Variants in ATG2A observed in about 807,000 individuals in gnomAD.
ATG2A encodes the protein autophagy-related protein 2 homolog A.
ATG2A carries 103 observed loss-of-function variants against 214.2 expected under a neutral mutation model. The ratio of observed to expected loss-of-function variants is 0.48; its 90% CI spans 0.41 to 0.57. The LOEUF (loss-of-function observed/expected upper bound fraction) is 0.57, where lower values mean the gene tolerates loss of function less well. ATG2A is among the 20% of genes least tolerant of loss of function. ATG2A has a pLI of 0.00. For synonymous variants in ATG2A, 1,160 were observed against 1,142.1 expected (o/e 1.02, Z -0.32); for missense variants, 2,312 against 2,613.2 (o/e 0.88, Z 2.51).
At chr11:64,899,921 C>T (rs1057167002) in intron 31 of ATG2A, among the ~76,000 whole-genome samples, 41 of 149,630 alleles carry the variant, frequency 2.7e-4, no homozygotes, top group African/African-American at 3.7e-4. Context: ...TGCAATAGGG[C>T]GATCTCAACT....
rs1250428550 is a variant in ATG2A at position 64,914,401 on chromosome 11, T to TGAGCA, written c.266_270dup (p.Thr91CysfsTer37). On this transcript the variant is annotated frameshift_variant, in exon 2 of 41. Transcript: ENST00000377264. LOFTEE classifies it high-confidence loss of function. ...GACACGCGCACTGTGCAGTGGTCGG[T>TGAGCA]GAGCAGAGCAGCCCAGGGCACGGCC... The TGAGCA allele has an allele frequency of 6.2e-7, 1 of 1,612,102 alleles. No individual in the cohort carries two copies. Among genetic ancestry groups the TGAGCA allele is most frequent in the Admixed American group, 1.7e-5 (1 of 59,832 alleles).
In ATG2A at chr11:64,898,270, A is replaced by G. The variant is rs569233396; in HGVS notation, c.4764T>C (p.Asn1588=). 6.2e-7 allele frequency: 1 copy of G among 1,613,772 alleles called. No individual in the cohort carries two copies. The highest frequency in any genetic ancestry group is 1.7e-5 in the Admixed American group (1 of 59,978). ...LRVSLMPLRL[N]VDQDALFFLK... ...CACGTAGACCACTCACCTGGTCCACATTGAGCCGCAGGGGCATCAGCGAGA... is the reference window on the plus strand; with the variant it reads ...CACGTAGACCACTCACCTGGTCCACGTTGAGCCGCAGGGGCATCAGCGAGA... The change falls in exon 33 of 41, where the codon AAT becomes AAC. Residue 1588 remains asparagine (N), a synonymous_variant. Coordinates refer to ENST00000377264, the MANE Select transcript of ATG2A (RefSeq NM_015104.3). This position sits in a 1 kb window ranked among gnomAD's most constrained non-coding sequence, Gnocchi z 4.5.
At position 64,902,352 on chromosome 11, in the gene ATG2A, G is replaced by A; in HGVS notation, c.3812C>T (p.Pro1271Leu). ...SESPASLPSCPPVETALINQR... is the reference protein window; with the variant it reads ...SESPASLPSCLPVETALINQR... ...GTTGATGAGGGCCGTCTCCACTGGG[G>A]GGCACGAGGGCAGAGAGGCAGGACT... The change falls in exon 28 of 41, where the codon CCC (proline) becomes CTC (leucine). Residue 1271 changes from proline to leucine, a missense_variant. Physicochemically the swap from Pro to Leu is moderately conservative, Grantham distance 98 (BLOSUM62 -3). Transcript: ENST00000377264. The A allele has an allele frequency of 6.2e-7, 1 of 1,600,176 alleles. No homozygotes were observed. The highest frequency in any genetic ancestry group is 2.3e-5 in the East Asian group (1 of 44,236).
Position 64,902,293 on chromosome 11 carries a change from C to T in ATG2A, c.3871G>A (p.Glu1291Lys), listed in dbSNP as rs781517472. ...RDLADALLDT[E>K]RSLRELAQPS... ...TGGGCCAGCTCCCGTAGGCTGCGCTCGGTGTCCAGGAGGGCGTCGGCCAGG... is the reference window on the plus strand; with the variant it reads ...TGGGCCAGCTCCCGTAGGCTGCGCTTGGTGTCCAGGAGGGCGTCGGCCAGG... Residue 1291 changes from glutamate (E) to lysine (K), a missense_variant, in exon 28 of 41, where the codon GAG becomes AAG. Glu to Lys is a moderately conservative substitution (Grantham distance 56). Transcript: ENST00000377264. 5.0e-6 allele frequency: 8 copies of T among 1,612,584 alleles called. No individual in the cohort carries two copies. Among genetic ancestry groups the T allele is most frequent in the South Asian group, 1.1e-5 (1 of 91,002 alleles).
chr11:64,898,360 G>A lies in ATG2A; in HGVS notation c.4674C>T (p.Leu1558=), dbSNP rs776420309. The part of the protein sequence containing the change: ...RMPRRAHSNM[L]TIKALHVAPT... ...GGGCCACATGCAGCGCTTTGATGGT[G>A]AGCTGGGAGCAGAGGGTGAGTTCTG... Residue 1558 remains leucine, a splice_region_variant and synonymous_variant, in exon 33 of 41, where the codon CTC becomes CTT. Transcript: ENST00000377264. The surrounding 1 kb of genome is among the most constrained non-coding windows in gnomAD (Gnocchi z 4.5). 3 of 1,597,474 alleles carry A rather than the reference G, an allele frequency of 1.9e-6. No homozygotes were observed. Among genetic ancestry groups the A allele is most frequent in the East Asian group, 2.3e-5 (1 of 44,344 alleles).
chr11:64,906,392 C>T lies in ATG2A; in HGVS notation c.3125G>A (p.Gly1042Glu), dbSNP rs747120470. The T allele has an allele frequency of 1.9e-6, 3 of 1,613,326 alleles. No individual in the cohort carries two copies. In the South Asian group the frequency reaches 3.3e-5, roughly 18 times the overall value. The change falls in exon 21 of 41, where the codon GGA (glycine) becomes GAA (glutamate). Residue 1042 changes from glycine to glutamate, a missense_variant. Transcript: ENST00000377264. Reference sequence around the variant, plus strand: ...CACAGCAGTGGACAACATGTGGGGTCCCCGGCCCTGGCCCTTGCGGCCCGA... The same window carrying T: ...CACAGCAGTGGACAACATGTGGGGTTCCCGGCCCTGGCCCTTGCGGCCCGA... ...GASGRKGQGR[G>E]PHMLSTAVRI...
chr11:64,914,139 G>A lies in ATG2A; in HGVS notation c.429C>T (p.Pro143=), dbSNP rs1413068366. Residue 143 remains proline (P), a synonymous_variant, in exon 3 of 41, where the codon CCC becomes CCT. Coordinates refer to ENST00000377264, the MANE Select transcript of ATG2A (RefSeq NM_015104.3). ...QECLRDGLPE[P]SEPPQPLEGL... ...CCTCCAGGGGCTGTGGTGGCTCAGAGGGCTCCGGTAGCCCATCCCGCAGAC... is the reference window on the plus strand; with the variant it reads ...CCTCCAGGGGCTGTGGTGGCTCAGAAGGCTCCGGTAGCCCATCCCGCAGAC... The A allele has an allele frequency of 1.9e-6, 3 of 1,552,962 alleles. No homozygotes were observed. The highest frequency in any genetic ancestry group is 2.4e-5 in the East Asian group (1 of 41,110).
chr11:64,897,986 G>T lies in ATG2A; in HGVS notation c.4859-12C>A. 6.4e-7 allele frequency: 1 copy of T among 1,565,960 alleles called. No individual in the cohort carries two copies. Reference sequence around the variant, plus strand: ...AGTCTCGGGGCGAGCTAGGGGAGGGGAGGTCACAGACTGGGGATGGGGCCA... The same window carrying T: ...AGTCTCGGGGCGAGCTAGGGGAGGGTAGGTCACAGACTGGGGATGGGGCCA... On this transcript the variant is annotated splice_polypyrimidine_tract_variant and intron_variant, in intron 34 of 40. Coordinates refer to ENST00000377264, the MANE Select transcript of ATG2A (RefSeq NM_015104.3).
rs1399923547 is a variant in ATG2A at position 64,910,042 on chromosome 11, G to A, written c.1861C>T (p.Leu621=). ...TGGCCCTGGCAGGGGCCTCTCACCA[G>A]CAGGCCGGCTGGAGGCTCAGCAGGT... ...TVPAEPPAGL[L]TEPLPAMEQQ... The change falls in exon 13 of 41, where the codon CTG becomes TTG. Residue 621 remains leucine, a splice_region_variant and synonymous_variant. Coordinates refer to ENST00000377264, the MANE Select transcript of ATG2A (RefSeq NM_015104.3). 6 of 1,575,986 alleles carry A rather than the reference G, an allele frequency of 3.8e-6. No homozygotes were observed. In the African/African-American group the frequency reaches 5.4e-5, roughly 14 times the overall value.
Position 64,903,469 on chromosome 11 carries a change from C to A in ATG2A, c.3536-105G>T. The A allele has an allele frequency of 6.7e-7, 1 of 1,496,496 alleles. No homozygotes were observed. Among genetic ancestry groups the A allele is most frequent in the Middle Eastern group, 1.9e-4 (1 of 5,284 alleles). 92.7% of individuals were successfully genotyped at this position (1,496,496 alleles called of 1,614,324 possible). A position where few individuals can be genotyped will look rare whatever the true frequency, so the allele number is the denominator to read the frequency against. ...TGATCCAGGTGTAGTCCCTGCTGTG[C>A]GGGCTACGTGTGGGAGCTAAGGACC... On this transcript the variant is annotated intron_variant, in intron 25 of 40. Coordinates refer to ENST00000377264, the MANE Select transcript of ATG2A (RefSeq NM_015104.3). This position sits in a 1 kb window ranked among gnomAD's most constrained non-coding sequence, Gnocchi z 4.2.
At position 64,897,886 on chromosome 11, in the gene ATG2A, T is replaced by C; in HGVS notation, c.4947A>G (p.Gly1649=). 6.4e-7 allele frequency: 1 copy of C among 1,572,204 alleles called. No individual in the cohort carries two copies. Among genetic ancestry groups the C allele is most frequent in the Non-Finnish European group, 8.6e-7 (1 of 1,158,454 alleles). Residue 1649 remains glycine, a synonymous_variant, in exon 35 of 41, where the codon GGA becomes GGG. Coordinates refer to ENST00000377264, the MANE Select transcript of ATG2A (RefSeq NM_015104.3). ...CAGGAGGGGAGGGGCTGTGTCCACC[T>C]CCTGGGGCCTCCTGCGAACCAGTGG... The part of the protein sequence containing the change: ...VETTGSQEAP[G]GGHSPSPPDQ...
rs1944416062 is a variant in ATG2A, at chr11:64,903,060, T to A, written c.3612+228A>T. On this transcript the variant is annotated intron_variant, in intron 26 of 40. Coordinates refer to ENST00000377264, the MANE Select transcript of ATG2A (RefSeq NM_015104.3). This position sits in a 1 kb window ranked among gnomAD's most constrained non-coding sequence, Gnocchi z 4.2. ...CGCTGGTGCCCTGGCTGCCGCGTCCTCTGGTGGCAGGGCTGAAACCCATTC... is the reference window on the plus strand; with the variant it reads ...CGCTGGTGCCCTGGCTGCCGCGTCCACTGGTGGCAGGGCTGAAACCCATTC... 6.6e-6 allele frequency among the ~76,000 whole-genome samples: 1 copy of A among 152,260 alleles called. No homozygotes were observed. Among genetic ancestry groups the A allele is most frequent in the Admixed American group, 6.5e-5 (1 of 15,300 alleles).
At position 64,913,528 on chromosome 11, in the gene ATG2A, A is replaced by C. The variant is rs897692907; in HGVS notation, c.591-127T>G. 7.9e-7 allele frequency: 1 copy of C among 1,262,268 alleles called. No individual in the cohort carries two copies. Among genetic ancestry groups the C allele is most frequent in the Non-Finnish European group, 1.1e-6 (1 of 938,290 alleles). 78.2% of individuals were successfully genotyped at this position (1,262,268 alleles called of 1,614,324 possible). A position where few individuals can be genotyped will look rare whatever the true frequency, so the allele number is the denominator to read the frequency against. Reference sequence around the variant, plus strand: ...CCTGCAGAGCTGCCCCATCACACCTAGGCCGTCCTGAACCACCATGTCCAG... The same window carrying C: ...CCTGCAGAGCTGCCCCATCACACCTCGGCCGTCCTGAACCACCATGTCCAG... On this transcript the variant is annotated intron_variant, in intron 4 of 40. Transcript: ENST00000377264. The surrounding 1 kb of genome is among the most constrained non-coding windows in gnomAD (Gnocchi z 4.3).
In ATG2A at chr11:64,898,594, C is replaced by T; in HGVS notation, c.4671+42G>A. On this transcript the variant is annotated intron_variant, in intron 32 of 40. Coordinates refer to ENST00000377264, the MANE Select transcript of ATG2A (RefSeq NM_015104.3). The surrounding 1 kb of genome is among the most constrained non-coding windows in gnomAD (Gnocchi z 4.5). ...TGCGTGAAGATGTATCCCCAACGGT[C>T]TGGTGCCCTGCCCCAGGGTGGATGG... 2.5e-6 allele frequency: 4 copies of T among 1,599,362 alleles called. No individual in the cohort carries two copies. The highest frequency in any genetic ancestry group is 3.4e-6 in the Non-Finnish European group (4 of 1,167,392).
rs1944690934 is a variant in ATG2A at position 64,909,731 on chromosome 11, G to A, written c.2057C>T (p.Pro686Leu). The change falls in exon 14 of 41, where the codon CCT (proline) becomes CTT (leucine). Residue 686 changes from proline to leucine, a missense_variant. Coordinates refer to ENST00000377264, the MANE Select transcript of ATG2A (RefSeq NM_015104.3). Reference protein sequence around the residue: ...PQFRSELSSGPGPPVPTHLEL... With the variant: ...PQFRSELSSGLGPPVPTHLEL... Reference sequence around the variant, plus strand: ...CAGGTGGGTGGGGACTGGGGGACCAGGCCCACTGCTAAGCTCTGACCGGAA... The same window carrying A: ...CAGGTGGGTGGGGACTGGGGGACCAAGCCCACTGCTAAGCTCTGACCGGAA... 3 of 1,613,204 alleles carry A rather than the reference G, an allele frequency of 1.9e-6. No individual in the cohort carries two copies. The South Asian group carries it at 3.3e-5, about 18-fold the overall frequency.
Position 64,909,086 on chromosome 11 carries a change from C to A in ATG2A, c.2269G>T (p.Glu757Ter). ...TQWEVAPEKG[E>*]ELELSVESPC... ...CTCTCCACTGACAGCTCCAGTTCCT[C>A]TCCCTTCTCCGGGGCCACCTCCCAC... is the stretch of plus-strand genomic sequence containing the variant. Residue 757 changes from glutamate to a stop codon, truncating the protein, a stop_gained, in exon 16 of 41, where the codon GAG becomes TAG. Transcript: ENST00000377264. LOFTEE classifies it high-confidence loss of function. 6.2e-7 allele frequency: 1 copy of A among 1,613,228 alleles called. No homozygotes were observed. Among genetic ancestry groups the A allele is most frequent in the Non-Finnish European group, 8.5e-7 (1 of 1,179,920 alleles).
Position 64,910,881 on chromosome 11 carries a change from C to T in ATG2A, c.1540G>A (p.Glu514Lys). ...ACCTCCAGCTGCCCGAAGTGCACTT[C>T]CATGCTGGTTGTCCGCCGGCCCCGA... Reference protein sequence around the residue: ...GSRGRRTTSMEVHFGQLEVLE... With the variant: ...GSRGRRTTSMKVHFGQLEVLE... The change falls in exon 11 of 41, where the codon GAA (glutamate) becomes AAA (lysine). Residue 514 changes from glutamate to lysine, a missense_variant. Physicochemically the swap from Glu to Lys is moderately conservative, Grantham distance 56 (BLOSUM62 1). Transcript: ENST00000377264. 4 of 1,610,368 alleles carry T rather than the reference C, an allele frequency of 2.5e-6. No individual in the cohort carries two copies. The highest frequency in any genetic ancestry group is 2.5e-6 in the Non-Finnish European group (3 of 1,178,892).
intron 12 of ATG2A, 88 bp from the exon 13 acceptor site, chr11:64,910,283 C>T (rs995306908): frequency 1.3e-6 from 2 of 1,493,248 alleles, no homozygotes; most frequent in South Asian, 2.7e-5. Flanking sequence ...GGGAGAAGAG[C>T]TGGGGCAGGG....
Position 64,911,054 on chromosome 11 carries a change from G to C in ATG2A, c.1450C>G (p.Pro484Ala). Residue 484 changes from proline (P) to alanine (A), a missense_variant, in exon 10 of 41, where the codon CCC becomes GCC. Physicochemically the swap from Pro to Ala is conservative, Grantham distance 27. Transcript: ENST00000377264. The stretch of plus-strand genomic sequence containing the variant: ...GGCTTATACCGAACATGGCTACAGG[G>C]ACAGGCCCTCTGGAAGCGTGGTCGA... ...HLRPRFQRACPCSHVRLTGTA... is the reference protein window; with the variant it reads ...HLRPRFQRACACSHVRLTGTA... The C allele has an allele frequency of 6.2e-7, 1 of 1,614,048 alleles. No individual in the cohort carries two copies. Among genetic ancestry groups the C allele is most frequent in the Non-Finnish European group, 8.5e-7 (1 of 1,180,044 alleles).
Sources: gnomAD v4.1 joint callset for allele counts (sites outside exome capture counted in the v4.1 genomes callset) on GRCh38, gnomAD v4.1.1 for gene constraint, Gnocchi (gnomAD v3.1) non-coding constraint, MANE v1.5 for transcripts, NCBI Gene and HGNC (gene_info 2026-07-23, HGNC 2026-07-21) for gene names.